The following KIAA0319 variants were observed in gnomAD, a reference collection of about 807,000 sequenced individuals.
KIAA0319 encodes the protein dyslexia-associated protein KIAA0319.
Under a neutral mutation model 108.4 loss-of-function variants are expected in KIAA0319, and 83 were observed. The observed-to-expected ratio is 0.77, with a 90% CI of 0.64 to 0.92. The LOEUF (loss-of-function observed/expected upper bound fraction) is 0.92. Ranked by LOEUF, KIAA0319 falls within the 40% of genes least tolerant of loss-of-function variation. KIAA0319 has a pLI of 0.00. For missense variants in KIAA0319, 1,195 were observed against 1,322.4 expected (o/e 0.90, Z 1.49); for synonymous variants, 484 against 510.4 (o/e 0.95, Z 0.70).
intron 1 of KIAA0319, among the ~76,000 whole-genome samples, chr6:24,617,201 C>T (rs1378009037): frequency 1.3e-5 from 2 of 150,980 alleles, no homozygotes; most frequent in African/African-American, 4.9e-5. Flanking sequence ...TAAAATGGAA[C>T]CTCAAATGTC....
chr6:24,576,258 T>G (rs775780558), intron 10 of KIAA0319, 110 bp downstream of exon 10: 18 of 863,150 alleles, frequency 2.1e-5, no homozygotes, highest in Non-Finnish European at 3.2e-5. Context: ...ATCAGATAAC[T>G]TTACAAAATA....
At position 24,628,528 on chromosome 6, in the gene KIAA0319, CTTTT is replaced by C. The variant is rs533135689; in HGVS notation, c.-106+17204_-106+17207del. ...CACTGCAGTGCTTTTTTCTTTCTTT[CTTTT>C]TTTTTTTTAATACAACCCTTGCATT... On this transcript the variant is annotated intron_variant, in intron 1 of 20. Coordinates refer to ENST00000378214, the MANE Select transcript of KIAA0319 (RefSeq NM_014809.4). Among the ~76,000 whole-genome samples, 1,318 of 149,936 alleles carry C rather than the reference CTTTT, an allele frequency of 8.8e-3. 23 individuals carry two copies. The highest frequency in any genetic ancestry group is 0.028 in the African/African-American group (1,162 of 41,150).
intron 16 of KIAA0319, among the ~76,000 whole-genome samples, chr6:24,562,817 C>T (rs1234982853): frequency 6.6e-6 from 1 of 151,892 alleles, no homozygotes; most frequent in Non-Finnish European, 1.5e-5. Context: ...TTAGCCTAGG[C>T]AACAGAGCGA....
chr6:24,622,064 T>C (rs1214780248), intron 1 of KIAA0319, among the ~76,000 whole-genome samples: 1 of 151,978 alleles, frequency 6.6e-6, no homozygotes, highest in Non-Finnish European at 1.5e-5. Flanking sequence ...TGGAATGAAA[T>C]CTACTTTATT....
At chr6:24,556,914 A>G (rs1762378545) in intron 17 of KIAA0319, among the ~76,000 whole-genome samples, 185 bp from the exon 18 acceptor site, 1 of 152,206 alleles carries the variant, frequency 6.6e-6, no homozygotes, top group African/African-American at 2.4e-5. Flanking sequence ...TCAGAAAGCA[A>G]ATGGCAGAAA....
chr6:24,619,551 G>A (rs1029631223), intron 1 of KIAA0319, among the ~76,000 whole-genome samples: 12 of 152,284 alleles, frequency 7.9e-5, no homozygotes, highest in African/African-American at 2.9e-4. Context: ...GTTCATGGGA[G>A]AGAGGGCTGG....
At chr6:24,636,220 A>C (rs767471038) in intron 1 of KIAA0319, among the ~76,000 whole-genome samples, 5 of 152,264 alleles carry the variant, frequency 3.3e-5, no homozygotes, top group Non-Finnish European at 7.3e-5. Context: ...TCAGAGATCC[A>C]AGAAAAACCA....
chr6:24,588,836 A>C, intron 3 of KIAA0319, 51 bp from the exon 4 acceptor site: 1 of 1,449,024 alleles, frequency 6.9e-7, no homozygotes. Flanking sequence ...AAACAGTCCA[A>C]CTCTTCAAGC....
At chr6:24,613,174 T>A (rs1384833465) in intron 1 of KIAA0319, among the ~76,000 whole-genome samples, 1 of 152,120 alleles carries the variant, frequency 6.6e-6, no homozygotes, top group Non-Finnish European at 1.5e-5. Flanking sequence ...AGAGCTTACA[T>A]CTACTCGGCA....
At chr6:24,626,658 T>G (rs1214573252) in intron 1 of KIAA0319, among the ~76,000 whole-genome samples, 1 of 152,234 alleles carries the variant, frequency 6.6e-6, no homozygotes, top group Non-Finnish European at 1.5e-5. Flanking sequence ...TCAATGAAGC[T>G]AACATTTTAA....
chr6:24,565,319 CTAAATCTGTAT>C (rs1763741850), intron 14 of KIAA0319, among the ~76,000 whole-genome samples: 1 of 147,220 alleles, frequency 6.8e-6, no homozygotes, highest in Non-Finnish European at 1.5e-5. Flanking sequence ...ATCTCCAAGA[CTAAATCTGTAT>C]CTCTCCAGTC....
intron 9 of KIAA0319, among the ~76,000 whole-genome samples, chr6:24,576,916 G>A (rs1424781506): frequency 2.7e-5 from 4 of 150,852 alleles, no homozygotes; most frequent in African/African-American, 7.3e-5. Flanking sequence ...CAGAGCAACA[G>A]ACTGTCACAA....
At position 24,596,606 on chromosome 6, in the gene KIAA0319, T is replaced by G. The variant is rs1454056021; in HGVS notation, c.68A>C (p.Lys23Thr). ...ATATGTCCTCCCCTCGCTGCACTGC[T>G]TACGGGCACAACCTTTAAACAAAGT... Reference protein sequence around the residue: ...LLVTIAGCARKQCSEGRTYSN... With the variant: ...LLVTIAGCARTQCSEGRTYSN... The change falls in exon 3 of 21, where the codon AAG becomes ACG. Residue 23 changes from lysine to threonine, a missense_variant. Physicochemically the swap from Lys to Thr is moderately conservative, Grantham distance 78 (BLOSUM62 -1). Coordinates refer to ENST00000378214, the MANE Select transcript of KIAA0319 (RefSeq NM_014809.4). 2.5e-6 allele frequency: 4 copies of G among 1,605,456 alleles called. No individual in the cohort carries two copies. Among genetic ancestry groups the G allele is most frequent in the Non-Finnish European group, 3.4e-6 (4 of 1,174,166 alleles).
At position 24,559,689 on chromosome 6, in the gene KIAA0319, GTCTT is replaced by G. The variant is rs200076588; in HGVS notation, c.2592-538_2592-535del. Among the ~76,000 whole-genome samples, 817 of 135,958 alleles carry G rather than the reference GTCTT, an allele frequency of 6.0e-3. 35 individuals are homozygous for G. The highest frequency in any genetic ancestry group is 0.054 in the Admixed American group (782 of 14,468). The allele number at this position is 135,958 out of a possible 152,430, so 89.2% of individuals were successfully genotyped here. ...TATACACAAAATAACTTGCAGACATGTCTTTCTTTTTACCTTTTTTTGATTGAGA... is the reference window on the plus strand; with the variant it reads ...TATACACAAAATAACTTGCAGACATGTCTTTTTACCTTTTTTTGATTGAGA... On this transcript the variant is annotated intron_variant, in intron 16 of 20. Coordinates refer to ENST00000378214, the MANE Select transcript of KIAA0319 (RefSeq NM_014809.4).
chr6:24,643,888 G>A (rs1228997003), intron 1 of KIAA0319, among the ~76,000 whole-genome samples: 2 of 152,222 alleles, frequency 1.3e-5, no homozygotes, highest in African/African-American at 4.8e-5. Context: ...GCCTTAGAGG[G>A]TTTAGAGAAT....
Position 24,596,504 on chromosome 6 carries a change from C to G in KIAA0319, c.170G>C (p.Cys57Ser). 6.2e-7 allele frequency: 1 copy of G among 1,614,108 alleles called. No individual in the cohort carries two copies. The highest frequency in any genetic ancestry group is 8.5e-7 in the Non-Finnish European group (1 of 1,180,042). ...RVSHTFPVVD[C>S]TAACCDLSSC... is the part of the protein sequence containing the mutation. ...GGACAGGTCACAGCAAGCGGCCGTG[C>G]AGTCTACGACAGGGAAGGTGTGAGA... is the stretch of plus-strand genomic sequence containing the variant. The change falls in exon 3 of 21, where the codon TGC (cysteine) becomes TCC (serine). Residue 57 changes from cysteine to serine, a missense_variant. Transcript: ENST00000378214.
At chr6:24,587,680 G>A (rs538603155) in intron 4 of KIAA0319, among the ~76,000 whole-genome samples, 2 of 152,074 alleles carry the variant, frequency 1.3e-5, no homozygotes, top group Non-Finnish European at 2.9e-5. Context: ...TCTGCCTCCT[G>A]GGTTCAAGCA....
chr6:24,577,050 A>G (rs1347539451), intron 9 of KIAA0319, among the ~76,000 whole-genome samples: 2 of 152,232 alleles, frequency 1.3e-5, no homozygotes, highest in Non-Finnish European at 2.9e-5. Flanking sequence ...ATAGAAATTT[A>G]AGGATGAAGC....
At chr6:24,619,673 T>TG (rs1421193049) in intron 1 of KIAA0319, among the ~76,000 whole-genome samples, 1 of 151,776 alleles carries the variant, frequency 6.6e-6, no homozygotes, top group Non-Finnish European at 1.5e-5. Context: ...GCTTGAGGGA[T>TG]GAACTTGAGT....
Sources: gnomAD v4.1 joint callset for allele counts (sites outside exome capture counted in the v4.1 genomes callset) on GRCh38, gnomAD v4.1.1 for gene constraint, MANE v1.5 for transcripts, NCBI Gene and HGNC (gene_info 2026-07-23, HGNC 2026-07-21) for gene names.